TTLL5: variants seen among roughly 807,000 people sequenced by gnomAD.
TTLL5 encodes tubulin tyrosine ligase like 5, also known as tubulin polyglutamylase TTLL5.
A neutral mutation model predicts 168.4 loss-of-function variants in TTLL5; 132 were observed. The ratio of observed to expected loss-of-function variants is 0.78; its 90% confidence interval spans 0.68 to 0.91. The LOEUF (loss-of-function observed/expected upper bound fraction) is 0.91, where lower values mean the gene tolerates loss of function less well. Ranked by LOEUF, TTLL5 falls within the 40% of genes least tolerant of loss-of-function variation. The pLI is 0.00. For missense variants in TTLL5, 1,545 were observed against 1,581.5 expected (o/e 0.98, Z 0.39); for synonymous variants, 546 against 558.6 (o/e 0.98, Z 0.32).
At chr14:75,665,508 C>T (rs1482031051) in intron 2 of TTLL5, among the ~76,000 whole-genome samples, 1 of 152,184 alleles carries the variant, frequency 6.6e-6, no homozygotes, top group Non-Finnish European at 1.5e-5. Flanking sequence ...ACCATGATCA[C>T]ATGTGATCTA....
chr14:75,743,824 G>T (rs1388449422), intron 15 of TTLL5, among the ~76,000 whole-genome samples: 3 of 151,814 alleles, frequency 2.0e-5, no homozygotes, highest in Non-Finnish European at 4.4e-5. Flanking sequence ...CTTGTGATCT[G>T]CCCACCTTGG....
chr14:75,851,852 T>A (rs1896872832), intron 28 of TTLL5, among the ~76,000 whole-genome samples: 1 of 152,228 alleles, frequency 6.6e-6, no homozygotes, highest in South Asian at 2.1e-4. Flanking sequence ...TGAAGTAGTA[T>A]ACTTCTTCTT....
intron 5 of TTLL5, among the ~76,000 whole-genome samples, chr14:75,689,143 A>G (rs1056612684): frequency 1.3e-5 from 2 of 152,186 alleles, no homozygotes; most frequent in African/African-American, 4.8e-5. Flanking sequence ...TCATGAAGGC[A>G]CTTGGCCTTA....
chr14:75,724,262 A>G (rs561394939), intron 12 of TTLL5, among the ~76,000 whole-genome samples: 18 of 152,218 alleles, frequency 1.2e-4, no homozygotes, highest in Admixed American at 5.2e-4. Context: ...ATGTTCAACT[A>G]TGTTTCCAGG....
chr14:75,917,851 TAGTTA>T (rs1217693689), intron 31 of TTLL5, among the ~76,000 whole-genome samples: 1 of 152,158 alleles, frequency 6.6e-6, no homozygotes, highest in East Asian at 1.9e-4. Context: ...ACCCCTGGAT[TAGTTA>T]AGAGAGCATT....
At chr14:75,761,749 G>GT (rs1243921218) in intron 18 of TTLL5, among the ~76,000 whole-genome samples, 1 of 152,186 alleles carries the variant, frequency 6.6e-6, no homozygotes, top group African/African-American at 2.4e-5. Flanking sequence ...AATATTAAGA[G>GT]TTTAGGTTAT....
chr14:75,949,376 G>GTT (rs1323882495), intron 31 of TTLL5, among the ~76,000 whole-genome samples: 7 of 118,144 alleles, frequency 5.9e-5, no homozygotes, highest in African/African-American at 1.9e-4. Context: ...TTTATATAAG[G>GTT]TTATATATAT....
At chr14:75,663,597 G>A (rs1160524379) in intron 2 of TTLL5, among the ~76,000 whole-genome samples, 5 of 152,186 alleles carry the variant, frequency 3.3e-5, no homozygotes, top group East Asian at 1.9e-4. Context: ...CATTAGTTAC[G>A]TTTGCTAATT....
rs145697011 is a variant in TTLL5, at chr14:75,889,478, A to C, written c.3740+6576A>C. 1.8e-3 allele frequency among the ~76,000 whole-genome samples: 281 copies of C among 152,304 alleles called. 2 individuals are homozygous for C. Among genetic ancestry groups the C allele is most frequent in the Middle Eastern group, 6.8e-3 (2 of 294 alleles). ...TGGAACGTTTCAATTAAGTCCTCAA[A>C]AAGTAGAAATTATACATGCCTCATT... is the stretch of plus-strand genomic sequence containing the variant. On this transcript the variant is annotated intron_variant, in intron 30 of 31. Transcript: ENST00000298832.
At chr14:75,868,319 A>G (rs2030709066) in intron 29 of TTLL5, among the ~76,000 whole-genome samples, 1 of 152,206 alleles carries the variant, frequency 6.6e-6, no homozygotes, top group South Asian at 2.1e-4. Flanking sequence ...GAGATTTTAA[A>G]TACATCTTAA....
chr14:75,862,973 A>G lies in TTLL5; in HGVS notation c.3327-694A>G, dbSNP rs182364471. Among the ~76,000 whole-genome samples the G allele has an allele frequency of 7.9e-5, 12 of 152,240 alleles. No homozygotes were observed. The East Asian group carries it at 2.3e-3, about 29-fold the overall frequency. On this transcript the variant is annotated intron_variant, in intron 28 of 31. Coordinates refer to ENST00000298832, the MANE Select transcript of TTLL5 (RefSeq NM_015072.5). ...AAATAAATAAATAATTTGGGCAAGG[A>G]AGATAGTCAAAGTATTTAACAAATA... is the stretch of plus-strand genomic sequence containing the variant.
chr14:75,857,637 G>T (rs966907909), intron 28 of TTLL5, among the ~76,000 whole-genome samples: 2 of 150,250 alleles, frequency 1.3e-5, no homozygotes, highest in African/African-American at 4.9e-5. Context: ...TTGTTTGATA[G>T]AATTCTTTTT....
chr14:75,890,654 A>G (rs577587124), intron 30 of TTLL5, among the ~76,000 whole-genome samples: 24 of 152,222 alleles, frequency 1.6e-4, no homozygotes, highest in Non-Finnish European at 2.9e-4. Context: ...GAGTAGGCCC[A>G]GGAACCATTT....
intron 29 of TTLL5, among the ~76,000 whole-genome samples, chr14:75,867,860 A>G (rs890746232): frequency 3.9e-5 from 6 of 152,070 alleles, no homozygotes; most frequent in African/African-American, 1.2e-4. Flanking sequence ...ATATTGATAC[A>G]GCCCAATGCA....
At chr14:75,808,964 A>G (rs896741743) in intron 27 of TTLL5, among the ~76,000 whole-genome samples, 2 of 151,548 alleles carry the variant, frequency 1.3e-5, no homozygotes, top group Non-Finnish European at 2.9e-5. Flanking sequence ...ATATCAGGAT[A>G]TATATAAGGA....
At chr14:75,802,155 A>C (rs536978580) in intron 27 of TTLL5, among the ~76,000 whole-genome samples, 10 of 151,840 alleles carry the variant, frequency 6.6e-5, no homozygotes, top group African/African-American at 1.9e-4. Context: ...TATTCATTCT[A>C]TTGTTTTCTA....
intron 12 of TTLL5, among the ~76,000 whole-genome samples, chr14:75,723,371 GT>G (rs1887970341): frequency 6.6e-6 from 1 of 152,186 alleles, no homozygotes; most frequent in Non-Finnish European, 1.5e-5. Flanking sequence ...AATGGATCTG[GT>G]TTGGTAATGG....
At chr14:75,759,518 G>A (rs1184776530) in intron 18 of TTLL5, among the ~76,000 whole-genome samples, 1 of 152,094 alleles carries the variant, frequency 6.6e-6, no homozygotes, top group Non-Finnish European at 1.5e-5. Flanking sequence ...ACACTTCCCA[G>A]TTCATCTTAC....
At chr14:75,888,203 C>T (rs141570741) in intron 30 of TTLL5, among the ~76,000 whole-genome samples, 2 of 152,196 alleles carry the variant, frequency 1.3e-5, no homozygotes, top group Admixed American at 6.5e-5. Context: ...TGGACAGTGA[C>T]GTCAGTCAGA....
Sources: allele counts gnomAD v4.1 joint callset (sites outside exome capture counted in the v4.1 genomes callset), GRCh38; gene constraint gnomAD v4.1.1; transcripts MANE v1.5; gene names NCBI Gene and HGNC (gene_info 2026-07-23, HGNC 2026-07-21).